Variants in TBC1D2 observed in about 807,000 individuals in gnomAD.
TBC1D2 encodes TBC1 domain family member 2.
TBC1D2 carries 58 observed loss-of-function variants against 91.1 expected under a neutral mutation model. That is an observed-to-expected ratio of 0.64 (90% CI 0.52 to 0.79). The LOEUF (loss-of-function observed/expected upper bound fraction) is 0.79. TBC1D2 is among the 30% of genes least tolerant of loss of function. The probability of loss-of-function intolerance (pLI) is 0.00; values close to 1 mark genes in which losing one functional copy is unlikely to be tolerated. For missense variants in TBC1D2, 1,080 were observed against 1,208.3 expected (o/e 0.89, Z 1.57); for synonymous variants, 482 against 511.5 (o/e 0.94, Z 0.78).
intron 6 of TBC1D2, among the ~76,000 whole-genome samples, chr9:98,218,648 A>G (rs1392746192): frequency 6.6e-6 from 1 of 152,254 alleles, no homozygotes; most frequent in Admixed American, 6.5e-5. Context: ...GTCCATGATT[A>G]CAATCAACTC....
In TBC1D2 at chr9:98,228,672, G is replaced by A. The variant is rs1588050077; in HGVS notation, c.978+280C>T. ...AATAATGTCATTTTCTGGGTAGGGG[G>A]TGAGACCATGCATGGCCCTCCAGGA... is the stretch of plus-strand genomic sequence containing the variant. On this transcript the variant is annotated intron_variant, in intron 5 of 12. Transcript: ENST00000465784. The surrounding 1 kb of genome is among the most constrained non-coding windows in gnomAD (Gnocchi z 4.0). Among the ~76,000 whole-genome samples, 2 of 152,326 alleles carry A rather than the reference G, an allele frequency of 1.3e-5. 1 individual carries two copies. The highest frequency in any genetic ancestry group is 4.1e-4 in the South Asian group (2 of 4,824).
In TBC1D2 at chr9:98,223,974, C is replaced by T. The variant is rs185711547; in HGVS notation, c.979-2746G>A. On this transcript the variant is annotated intron_variant, in intron 5 of 12. Coordinates refer to ENST00000465784, the MANE Select transcript of TBC1D2 (RefSeq NM_001267571.2). ...CAGCACTTTGGGAGGCCAAGGCGGT[C>T]GGATCACGAGGTCAGGAGATCGAGA... 4.8e-3 allele frequency among the ~76,000 whole-genome samples: 723 copies of T among 152,070 alleles called. 8 individuals are homozygous for T. The highest frequency in any genetic ancestry group is 0.016 in the African/African-American group (662 of 41,498).
At chr9:98,242,803 CTTTTTTTTT>C (rs36035887) in intron 3 of TBC1D2, among the ~76,000 whole-genome samples, 20 of 83,172 alleles carry the variant, frequency 2.4e-4, no homozygotes, top group African/African-American at 9.4e-4. Flanking sequence ...ACACTGCTGC[CTTTTTTTTT>C]TTTTTTTTTT....
chr9:98,252,748 T>C (rs1829897997), intron 1 of TBC1D2, among the ~76,000 whole-genome samples: 1 of 152,124 alleles, frequency 6.6e-6, no homozygotes, highest in African/African-American at 2.4e-5. Flanking sequence ...AAAGAAGGCC[T>C]GAGATCAGCT....
rs200562136 is a variant in TBC1D2 at position 98,200,253 on chromosome 9, C to T, written c.2579G>A (p.Arg860Gln). 1.3e-5 allele frequency: 21 copies of T among 1,613,560 alleles called. No homozygotes were observed. Among genetic ancestry groups the T allele is most frequent in the South Asian group, 9.9e-5 (9 of 90,950 alleles). ...RFFTKTISNS[R>Q]KLMNIAFNDM... ...GTGGCAGGGGGTGGGGGTTCCTCAC[C>T]GGCTGTTGGAGATGGTCTTGGTGAA... The change falls in exon 12 of 13, where the codon CGG becomes CAG. Residue 860 changes from arginine to glutamine, a missense_variant and splice_region_variant. By Grantham distance (43) the Arg-to-Gln change is conservative (BLOSUM62 1). Transcript: ENST00000465784.
Position 98,240,462 on chromosome 9 carries a change from C to A in TBC1D2, c.647+3532G>T, listed in dbSNP as rs201980846. ...AGAATGTAGTTCCATTGAAGAGAAT[C>A]ATGATGATCATGATAGGCACTACTA... On this transcript the variant is annotated intron_variant, in intron 3 of 12. Transcript: ENST00000465784. Among the ~76,000 whole-genome samples the A allele has an allele frequency of 3.3e-5, 5 of 152,190 alleles. No homozygotes were observed. In the East Asian group the frequency reaches 5.8e-4, roughly 18 times the overall value.
chr9:98,199,002 T>G, downstream of TBC1D2: 1 of 285,266 alleles, frequency 3.5e-6, no homozygotes. Flanking sequence ...AACTGGTAAC[T>G]GAGAACTGTT....
At chr9:98,203,599 C>T (rs148854426) in intron 9 of TBC1D2, among the ~76,000 whole-genome samples, 191 bp from the exon 10 acceptor site, 5 of 152,244 alleles carry the variant, frequency 3.3e-5, no homozygotes, top group African/African-American at 7.2e-5. Flanking sequence ...GGAGGATGAC[C>T]GGCGATTTCC....
chr9:98,249,284 C>A (rs559215261), intron 2 of TBC1D2, among the ~76,000 whole-genome samples: 4 of 152,308 alleles, frequency 2.6e-5, no homozygotes, highest in Admixed American at 2.6e-4. Flanking sequence ...AGACTAGAAC[C>A]CAGGTCATCA....
chr9:98,200,410 G>C, intron 11 of TBC1D2, 36 bp from the exon 12 acceptor site: 1 of 1,565,082 alleles, frequency 6.4e-7, no homozygotes, highest in South Asian at 1.2e-5. Flanking sequence ...AGGGCATGGG[G>C]GGGCCAGGCA....
At chr9:98,210,395 T>G (rs1828800152) in intron 8 of TBC1D2, among the ~76,000 whole-genome samples, 1 of 152,102 alleles carries the variant, frequency 6.6e-6, no homozygotes, top group Admixed American at 6.5e-5. Flanking sequence ...GGCAGCCACA[T>G]TTGGGAGGCA....
intron 6 of TBC1D2, 135 bp from the exon 7 acceptor site, chr9:98,213,353 T>C: frequency 6.7e-7 from 1 of 1,481,538 alleles, no homozygotes. Flanking sequence ...AGAGGAAGTC[T>C]GAAAGAAAAA....
chr9:98,253,768 C>A (rs1193267), intron 1 of TBC1D2, among the ~76,000 whole-genome samples: 455 of 152,258 alleles, frequency 3.0e-3, no homozygotes, highest in Non-Finnish European at 5.1e-3. Flanking sequence ...CTCCTGTCAC[C>A]ACACCTTCTT....
At chr9:98,208,123 T>A (rs1025657301) in intron 9 of TBC1D2, among the ~76,000 whole-genome samples, 16 of 152,054 alleles carry the variant, frequency 1.1e-4, no homozygotes, top group Non-Finnish European at 1.9e-4. Context: ...AAGTTGTACG[T>A]CCCCAAGCAC....
intron 2 of TBC1D2, among the ~76,000 whole-genome samples, chr9:98,247,834 T>G (rs926310726): frequency 6.6e-6 from 1 of 152,116 alleles, no homozygotes; most frequent in African/African-American, 2.4e-5. Flanking sequence ...AAAATAAAAT[T>G]TTTTTATTTA....
intron 1 of TBC1D2, among the ~76,000 whole-genome samples, chr9:98,253,167 C>T (rs1269001198): frequency 1.3e-5 from 2 of 152,184 alleles, no homozygotes; most frequent in East Asian, 3.8e-4. Flanking sequence ...GGTGAGCCAA[C>T]ACACATGGTC....
intron 5 of TBC1D2, among the ~76,000 whole-genome samples, chr9:98,224,524 C>T (rs1459624455): frequency 6.6e-6 from 1 of 151,986 alleles, no homozygotes; most frequent in Non-Finnish European, 1.5e-5. Context: ...CTCAAGAGAT[C>T]CTCCCACCTT....
At chr9:98,239,675 T>G (rs1829590268) in intron 3 of TBC1D2, among the ~76,000 whole-genome samples, 1 of 152,222 alleles carries the variant, frequency 6.6e-6, no homozygotes, top group African/African-American at 2.4e-5. Context: ...ATAATATCAG[T>G]CTTATAAAAT....
chr9:98,231,202 A>C (rs1829359838), intron 4 of TBC1D2, among the ~76,000 whole-genome samples: 1 of 150,378 alleles, frequency 6.6e-6, no homozygotes, highest in African/African-American at 2.5e-5. Context: ...GGAGTGCCTC[A>C]AGGGCTGACT....
Sources: allele counts gnomAD v4.1 joint callset (sites outside exome capture counted in the v4.1 genomes callset), GRCh38; gene constraint gnomAD v4.1.1; non-coding constraint Gnocchi (gnomAD v3.1); transcripts MANE v1.5; gene names NCBI Gene and HGNC (gene_info 2026-07-23, HGNC 2026-07-21).